Variants in HS6ST2 observed in about 807,000 individuals in gnomAD.
HS6ST2 encodes the protein heparan sulfate 6-O-sulfotransferase 2, also known as heparan-sulfate 6-O-sulfotransferase 2.
A neutral mutation model predicts 33.0 loss-of-function variants in HS6ST2; 17 were observed. That is an observed-to-expected ratio of 0.52 (90% CI 0.35 to 0.77). The LOEUF is 0.77. HS6ST2 is among the 30% of genes least tolerant of loss of function. The pLI, the probability that HS6ST2 is intolerant of heterozygous loss-of-function variation, is 0.01. For missense variants in HS6ST2, 519 were observed against 551.7 expected, an observed-to-expected ratio of 0.94 and a Z score of 0.59; for synonymous variants, 248 against 237.1, an observed-to-expected ratio of 1.05 and a Z score of -0.42.
chrX:132,794,571 GATGATTATT>G (rs1375541382), intron 2 of HS6ST2, among the ~76,000 whole-genome samples: 3 of 98,904 alleles, frequency 3.0e-5, no homozygotes, highest in African/African-American at 1.2e-4. Context: ...TGATGATGAT[GATGATTATT>G]ATTATTATTA....
At chrX:132,775,872 C>T (rs1330693006) in intron 2 of HS6ST2, among the ~76,000 whole-genome samples, 6 of 111,641 alleles carry the variant, frequency 5.4e-5, no homozygotes, top group African/African-American at 1.6e-4. Context: ...ATATCAGCCA[C>T]AGTACAAGGC....
intron 2 of HS6ST2, among the ~76,000 whole-genome samples, chrX:132,774,593 A>G (rs1381922102): frequency 4.5e-5 from 5 of 112,218 alleles, no homozygotes; most frequent in Non-Finnish European, 1.9e-5. Flanking sequence ...ACAGATTTAC[A>G]GGAATCATCA....
At chrX:132,820,723 G>A (rs2065444591) in intron 2 of HS6ST2, among the ~76,000 whole-genome samples, 1 of 107,470 alleles carries the variant, frequency 9.3e-6, no homozygotes, top group African/African-American at 3.4e-5. Flanking sequence ...GAATATTTGG[G>A]GTAATGGGGC....
chrX:132,869,916 G>A (rs1388525069), intron 2 of HS6ST2, among the ~76,000 whole-genome samples: 2 of 111,445 alleles, frequency 1.8e-5, no homozygotes, highest in Non-Finnish European at 3.8e-5. Context: ...GTTCTGGCCA[G>A]GGAAATCAGG....
chrX:132,855,081 C>A (rs1478168482), intron 2 of HS6ST2, among the ~76,000 whole-genome samples: 1 of 112,239 alleles, frequency 8.9e-6, no homozygotes. Flanking sequence ...AAAAGTTCAA[C>A]CCCCGTAGCC....
chrX:132,629,163 G>A (rs746673480), intron 4 of HS6ST2, 70 bp from the exon 5 acceptor site: 76 of 1,068,970 alleles, frequency 7.1e-5, no homozygotes, highest in Non-Finnish European at 9.3e-5. Context: ...GAGGTACATG[G>A]CATATGTGGT....
chrX:132,831,650 C>T (rs750478116), intron 2 of HS6ST2, among the ~76,000 whole-genome samples: 1 of 111,885 alleles, frequency 8.9e-6, no homozygotes, highest in African/African-American at 3.2e-5. Context: ...CTGGAAGGAA[C>T]ACTTCGGTCC....
At chrX:132,668,981 G>A (rs1211807476) in intron 4 of HS6ST2, 132 bp downstream of exon 4, 7 of 436,934 alleles carry the variant, frequency 1.6e-5, no homozygotes, top group African/African-American at 5.0e-5. Context: ...CCCCAGTGAC[G>A]AGCCCAGTGG....
intron 3 of HS6ST2, among the ~76,000 whole-genome samples, chrX:132,691,399 T>C (rs973845963): frequency 1.8e-5 from 2 of 111,865 alleles, no homozygotes; most frequent in Admixed American, 1.9e-4. Context: ...TTAACCGCTC[T>C]TGTCTGGTTG....
At chrX:132,871,983 C>T (rs1034577652) in intron 2 of HS6ST2, among the ~76,000 whole-genome samples, 1 of 111,372 alleles carries the variant, frequency 9.0e-6, no homozygotes, top group African/African-American at 3.3e-5. Flanking sequence ...TAAAAATGCT[C>T]TTCTTTCCAA....
intron 2 of HS6ST2, among the ~76,000 whole-genome samples, chrX:132,759,010 C>A (rs1287622912): frequency 2.7e-5 from 3 of 111,644 alleles, no homozygotes; most frequent in African/African-American, 9.8e-5. Context: ...AGATGGGCAG[C>A]TGCAGAAATA....
At chrX:132,640,894 T>G (rs907660393) in intron 4 of HS6ST2, among the ~76,000 whole-genome samples, 2 of 111,933 alleles carry the variant, frequency 1.8e-5, no homozygotes, top group African/African-American at 6.5e-5. Context: ...ATTTCAACTT[T>G]TATTTCAAAT....
intron 2 of HS6ST2, among the ~76,000 whole-genome samples, chrX:132,911,393 G>A (rs1037737660): frequency 9.0e-6 from 1 of 111,162 alleles, no homozygotes; most frequent in Non-Finnish European, 1.9e-5. Flanking sequence ...AGCAGTAATT[G>A]TCCATTGGGA....
At chrX:132,688,494 C>T (rs957732729) in intron 3 of HS6ST2, among the ~76,000 whole-genome samples, 1 of 111,425 alleles carries the variant, frequency 9.0e-6, no homozygotes, top group African/African-American at 3.3e-5. Flanking sequence ...AGGAAACTTA[C>T]AAGCATGGTG....
chrX:132,922,960 C>T (rs183579139), intron 2 of HS6ST2, among the ~76,000 whole-genome samples: 1 of 106,583 alleles, frequency 9.4e-6, no homozygotes, highest in Non-Finnish European at 1.9e-5. Flanking sequence ...CTAGTTGGGA[C>T]GCTGAGACAT....
intron 2 of HS6ST2, among the ~76,000 whole-genome samples, chrX:132,909,995 C>T (rs990812590): frequency 9.0e-6 from 1 of 110,542 alleles, no homozygotes; most frequent in African/African-American, 3.3e-5. Context: ...ACATCAGACG[C>T]CCGCACCCAT....
chrX:132,696,425 G>A (rs2064105284), intron 3 of HS6ST2, among the ~76,000 whole-genome samples: 1 of 111,690 alleles, frequency 9.0e-6, no homozygotes, highest in Non-Finnish European at 1.9e-5. Context: ...AGAGAGCAGT[G>A]ACCTGACCAA....
rs184443190 is a variant in HS6ST2, at chrX:132,957,346, G to C, written c.429-20C>G. 5 of 1,143,663 alleles carry C rather than the reference G, an allele frequency of 4.4e-6. No homozygotes were observed. In the Middle Eastern group the frequency reaches 1.0e-3, roughly 238 times the overall value. The allele number at this position is 1,143,663 out of a possible 1,213,427, so 94.3% of individuals were successfully genotyped here. A position where few individuals can be genotyped will look rare whatever the true frequency, so the allele number is the denominator to read the frequency against. ...CCGACGCTGGGGGAAACCCAAGCTC[G>C]TTACGTCAATCCCGCAGCTCAGCCC... On this transcript the variant is annotated intron_variant, in intron 1 of 4. Transcript: ENST00000370833.
At chrX:132,798,547 T>C (rs187229521) in intron 2 of HS6ST2, among the ~76,000 whole-genome samples, 1 of 111,953 alleles carries the variant, frequency 8.9e-6, no homozygotes, top group Non-Finnish European at 1.9e-5. Context: ...TCCAGTATTG[T>C]CCTATTTGTG....
Sources: allele counts gnomAD v4.1 joint callset (sites outside exome capture counted in the v4.1 genomes callset), GRCh38; gene constraint gnomAD v4.1.1; transcripts MANE v1.5; gene names NCBI Gene and HGNC (gene_info 2026-07-23, HGNC 2026-07-21).